The following PLS1 variants were observed in gnomAD, a reference collection of about 807,000 sequenced individuals.
The protein encoded by PLS1 is plastin 1, also known as plastin-1.
A neutral mutation model predicts 73.7 loss-of-function variants in PLS1; 32 were observed. That is an observed-to-expected ratio of 0.43 (90% CI 0.33 to 0.58). The LOEUF (loss-of-function observed/expected upper bound fraction) is 0.58, where lower values mean the gene tolerates loss of function less well. Ranked by LOEUF, PLS1 falls within the 20% of genes least tolerant of loss-of-function variation. PLS1 has a pLI of 0.04. For synonymous variants in PLS1, 217 were observed against 261.3 expected (o/e 0.83, Z 1.63); for missense variants, 633 against 740.5 (o/e 0.85, Z 1.68).
chr3:142,637,333 A>G (rs935846902), intron 1 of PLS1, among the ~76,000 whole-genome samples: 1 of 152,194 alleles, frequency 6.6e-6, no homozygotes, highest in Non-Finnish European at 1.5e-5. Flanking sequence ...AATGCAAACT[A>G]ATCTATAGTG....
intron 6 of PLS1, among the ~76,000 whole-genome samples, chr3:142,683,260 T>G (rs1296205334): frequency 6.6e-6 from 1 of 152,118 alleles, no homozygotes; most frequent in Non-Finnish European, 1.5e-5. Context: ...ATCCCAGCAC[T>G]TTGGGAGGCC....
rs990604553 is a variant in PLS1, at chr3:142,706,854, C to T, written c.1629+2268C>T. Among the ~76,000 whole-genome samples, 25 of 152,014 alleles carry T rather than the reference C, an allele frequency of 1.6e-4. 1 individual carries two copies. The highest frequency in any genetic ancestry group is 1.2e-3 in the Admixed American group (19 of 15,258). ...GCATGGGTAACCGGAAAACAGATAACACTAATAGAAATGAGGATGTCATGA... is the reference window on the plus strand; with the variant it reads ...GCATGGGTAACCGGAAAACAGATAATACTAATAGAAATGAGGATGTCATGA... On this transcript the variant is annotated intron_variant, in intron 14 of 15. Transcript: ENST00000457734.
At chr3:142,689,519 G>T in intron 9 of PLS1, 99 bp from the exon 10 acceptor site, 1 of 497,680 alleles carries the variant, frequency 2.0e-6, no homozygotes, top group South Asian at 6.7e-5. Context: ...GTTATTATTT[G>T]ATATATTTGT....
At chr3:142,603,277 T>G (rs2035958565) in intron 1 of PLS1, among the ~76,000 whole-genome samples, 1 of 152,216 alleles carries the variant, frequency 6.6e-6, no homozygotes, top group African/African-American at 2.4e-5. Flanking sequence ...CGTTGCTTTT[T>G]ATTATAGTAA....
chr3:142,627,356 G>A (rs750534629), intron 1 of PLS1, among the ~76,000 whole-genome samples: 1 of 152,118 alleles, frequency 6.6e-6, no homozygotes, highest in Non-Finnish European at 1.5e-5. Flanking sequence ...AAGGAATAAT[G>A]TTCAGAAATA....
intron 1 of PLS1, among the ~76,000 whole-genome samples, chr3:142,629,961 C>G (rs1337450031): frequency 6.6e-6 from 1 of 152,266 alleles, no homozygotes; most frequent in East Asian, 1.9e-4. Context: ...TAGTCATCTC[C>G]TGTTGAGAAT....
chr3:142,674,073 T>TGATC (rs972773394), intron 4 of PLS1, among the ~76,000 whole-genome samples: 8 of 152,224 alleles, frequency 5.3e-5, no homozygotes, highest in Non-Finnish European at 1.0e-4. Flanking sequence ...AGCCTTTTCT[T>TGATC]GATCACCCTA....
In PLS1 at chr3:142,684,277, G is replaced by A. The variant is rs201068539; in HGVS notation, c.770G>A (p.Gly257Asp). The A allele has an allele frequency of 1.7e-5, 28 of 1,614,028 alleles. No homozygotes were observed. Among genetic ancestry groups the A allele is most frequent in the African/African-American group, 6.7e-5 (5 of 74,922 alleles). The change falls in exon 8 of 16, where the codon GGT becomes GAT. Residue 257 changes from glycine (G) to aspartate (D), a missense_variant. Coordinates refer to ENST00000457734, the MANE Select transcript of PLS1 (RefSeq NM_001145319.2). ...GCTCTGATTGCATTGTTAAATGAAG[G>A]TGAGGAACTAGAGGAGCTGATGAAG... ...NEALIALLNE[G>D]EELEELMKLS...
chr3:142,617,333 T>TA (rs1027787794), intron 1 of PLS1, among the ~76,000 whole-genome samples: 9 of 151,998 alleles, frequency 5.9e-5, no homozygotes, highest in African/African-American at 2.2e-4. Flanking sequence ...GTTACAGGAA[T>TA]AAAAAATGCT....
At chr3:142,681,210 A>C (rs1210474821) in intron 6 of PLS1, among the ~76,000 whole-genome samples, 1 of 152,172 alleles carries the variant, frequency 6.6e-6, no homozygotes, top group Non-Finnish European at 1.5e-5. Flanking sequence ...AAATATAAAT[A>C]TTAAAGTAAA....
Position 142,630,967 on chromosome 3 carries a change from A to C in PLS1, c.-36-33235A>C, listed in dbSNP as rs180947519. Among the ~76,000 whole-genome samples the C allele has an allele frequency of 2.1e-4, 32 of 151,996 alleles. No individual in the cohort carries two copies. The East Asian group carries it at 6.2e-3, about 29-fold the overall frequency. On this transcript the variant is annotated intron_variant, in intron 1 of 15. Transcript: ENST00000457734. ...CACACACACACACACACACACACAC[A>C]CACACATAGAGGGAGAGTCAAATGA...
At chr3:142,682,920 C>T (rs1463092646) in intron 6 of PLS1, among the ~76,000 whole-genome samples, 2 of 152,186 alleles carry the variant, frequency 1.3e-5, no homozygotes, top group Non-Finnish European at 2.9e-5. Context: ...GAAGGCTTCT[C>T]TGGTTCTGCT....
rs1401299098 is a variant in PLS1, at chr3:142,680,507, C to T, written c.579+2394C>T. ...TTGTTGAATTATTTATTAATGAACACCTGTTTGATGCCAGTGCTCTTATTA... is the reference window on the plus strand; with the variant it reads ...TTGTTGAATTATTTATTAATGAACATCTGTTTGATGCCAGTGCTCTTATTA... On this transcript the variant is annotated intron_variant, in intron 6 of 15. Coordinates refer to ENST00000457734, the MANE Select transcript of PLS1 (RefSeq NM_001145319.2). Among the ~76,000 whole-genome samples the T allele has an allele frequency of 2.6e-5, 4 of 152,132 alleles. No individual in the cohort carries two copies. In the East Asian group the frequency reaches 7.7e-4, roughly 29 times the overall value.
At chr3:142,641,533 A>C (rs2036840946) in intron 1 of PLS1, among the ~76,000 whole-genome samples, 1 of 151,706 alleles carries the variant, frequency 6.6e-6, no homozygotes, top group Non-Finnish European at 1.5e-5. Flanking sequence ...TCTCTGAAGA[A>C]TTTAGACATA....
At chr3:142,672,235 A>G (rs900988311) in intron 4 of PLS1, among the ~76,000 whole-genome samples, 5 of 150,100 alleles carry the variant, frequency 3.3e-5, no homozygotes, top group African/African-American at 1.2e-4. Context: ...GATAGTAACT[A>G]TTCTTCCCTA....
intron 1 of PLS1, among the ~76,000 whole-genome samples, chr3:142,660,674 A>T (rs770472298): frequency 6.6e-6 from 1 of 152,234 alleles, no homozygotes; most frequent in Non-Finnish European, 1.5e-5. Context: ...AGCTGTCTGT[A>T]TACAATCTTG....
intron 1 of PLS1, among the ~76,000 whole-genome samples, chr3:142,655,860 T>A (rs1173677998): frequency 6.6e-6 from 1 of 152,208 alleles, no homozygotes; most frequent in Non-Finnish European, 1.5e-5. Context: ...TAGGATTGTC[T>A]AAGCATGTGG....
At chr3:142,684,764 A>T (rs2037928456) in intron 8 of PLS1, among the ~76,000 whole-genome samples, 1 of 152,174 alleles carries the variant, frequency 6.6e-6, no homozygotes, top group Non-Finnish European at 1.5e-5. Flanking sequence ...TCTTACTCCC[A>T]CTTTGCCAAT....
At chr3:142,665,908 TGA>T (rs1336802638) in intron 2 of PLS1, among the ~76,000 whole-genome samples, 11 of 152,040 alleles carry the variant, frequency 7.2e-5, no homozygotes, top group Non-Finnish European at 1.3e-4. Context: ...AGCAGGTCCT[TGA>T]TGGAACAATT....
Sources: allele counts gnomAD v4.1 joint callset (sites outside exome capture counted in the v4.1 genomes callset), GRCh38; gene constraint gnomAD v4.1.1; transcripts MANE v1.5; gene names NCBI Gene and HGNC (gene_info 2026-07-23, HGNC 2026-07-21).